The following PLXDC2 variants were observed in gnomAD, a reference collection of about 807,000 sequenced individuals.
The protein encoded by PLXDC2 is plexin domain-containing protein 2.
A neutral mutation model predicts 68.9 loss-of-function variants in PLXDC2; 40 were observed. The observed-to-expected ratio is 0.58, with a 90% CI of 0.45 to 0.76. The LOEUF (loss-of-function observed/expected upper bound fraction) is 0.76, where lower values mean the gene tolerates loss of function less well. Among genes scored for constraint, PLXDC2 ranks in the 30% least tolerant of loss-of-function variants. The pLI is 0.00. For synonymous variants in PLXDC2, 243 were observed against 234.2 expected (o/e 1.04, Z -0.34); for missense variants, 644 against 661.9 (o/e 0.97, Z 0.30).
intron 1 of PLXDC2, among the ~76,000 whole-genome samples, chr10:19,950,509 T>C (rs1170402071): frequency 6.6e-6 from 1 of 152,066 alleles, no homozygotes; most frequent in African/African-American, 2.4e-5. Context: ...AAATCACAGA[T>C]AACACAGACA....
chr10:19,994,311 A>ATTTTTTTTTTT (rs1834805027), intron 1 of PLXDC2, among the ~76,000 whole-genome samples: 2 of 68,766 alleles, frequency 2.9e-5, no homozygotes, highest in Non-Finnish European at 6.4e-5. Flanking sequence ...AACATGATTA[A>ATTTTTTTTTTT]ATTTTTTTTT....
At chr10:20,170,638 C>A (rs1270338687) in intron 7 of PLXDC2, among the ~76,000 whole-genome samples, 2 of 152,042 alleles carry the variant, frequency 1.3e-5, no homozygotes, top group African/African-American at 4.8e-5. Context: ...CTATTCAGAG[C>A]TTCCTGTGCT....
chr10:19,982,289 C>T (rs17687409), intron 1 of PLXDC2, among the ~76,000 whole-genome samples: 30,190 of 151,872 alleles, frequency 0.2, 3,744 homozygotes, highest in Middle Eastern at 0.34. Context: ...CCTGAATGGT[C>T]CCGTGTGACT....
chr10:20,097,480 C>A (rs181331579), intron 4 of PLXDC2, among the ~76,000 whole-genome samples: 30 of 152,290 alleles, frequency 2.0e-4, no homozygotes, highest in Admixed American at 2.6e-4. Context: ...AGAGCAGGAT[C>A]TTTTTCCCAT....
At chr10:19,914,681 C>T in intron 1 of PLXDC2, among the ~76,000 whole-genome samples, 1 of 152,282 alleles carries the variant, frequency 6.6e-6, no homozygotes, top group South Asian at 2.1e-4. Flanking sequence ...AGCATAGACT[C>T]CATCAGTCCC....
chr10:19,826,190 C>G (rs1836565341), intron 1 of PLXDC2, among the ~76,000 whole-genome samples: 1 of 152,168 alleles, frequency 6.6e-6, no homozygotes, highest in Non-Finnish European at 1.5e-5. Flanking sequence ...AATTATTTTG[C>G]CAGTCCGTAG....
At chr10:20,031,030 T>C (rs747036805) in intron 2 of PLXDC2, among the ~76,000 whole-genome samples, 3 of 152,110 alleles carry the variant, frequency 2.0e-5, no homozygotes, top group Non-Finnish European at 4.4e-5. Context: ...CCAGCTGACA[T>C]ACCAACTGAT....
chr10:19,918,289 T>C (rs762772838), intron 1 of PLXDC2, among the ~76,000 whole-genome samples: 23 of 152,322 alleles, frequency 1.5e-4, no homozygotes, highest in Admixed American at 2.6e-4. Context: ...CCACCCATTC[T>C]TTTCAAAAGA....
intron 6 of PLXDC2, among the ~76,000 whole-genome samples, chr10:20,162,935 G>A (rs534871570): frequency 3.7e-5 from 5 of 136,622 alleles, no homozygotes; most frequent in African/African-American, 1.0e-4. Flanking sequence ...AAAAAATCCA[G>A]CTGGGTGTGG....
intron 1 of PLXDC2, among the ~76,000 whole-genome samples, chr10:19,961,607 A>G (rs1040500402): frequency 1.3e-5 from 2 of 152,216 alleles, no homozygotes; most frequent in African/African-American, 2.4e-5. Flanking sequence ...AGGGGAGACA[A>G]AGCTGATCCT....
chr10:19,893,665 A>T (rs1589523436), intron 1 of PLXDC2, among the ~76,000 whole-genome samples: 1 of 152,250 alleles, frequency 6.6e-6, no homozygotes, highest in South Asian at 2.1e-4. Flanking sequence ...AGGGGAATGC[A>T]TTAGATGTGT....
intron 1 of PLXDC2, among the ~76,000 whole-genome samples, chr10:19,843,715 A>C (rs1042568972): frequency 2.0e-5 from 3 of 152,214 alleles, no homozygotes; most frequent in Non-Finnish European, 4.4e-5. Context: ...GGGAGCTAAA[A>C]AAATGTGATC....
intron 9 of PLXDC2, among the ~76,000 whole-genome samples, chr10:20,208,537 T>A (rs1454529246): frequency 6.6e-6 from 1 of 152,144 alleles, no homozygotes; most frequent in Non-Finnish European, 1.5e-5. Flanking sequence ...ATCATATATG[T>A]TTATATGTTA....
chr10:19,988,477 A>ACCT (rs1339880203), intron 1 of PLXDC2, among the ~76,000 whole-genome samples: 2 of 152,130 alleles, frequency 1.3e-5, no homozygotes, highest in African/African-American at 4.8e-5. Flanking sequence ...ATAATATTTA[A>ACCT]GATTAGGTCT....
chr10:20,084,710 T>A (rs921819564), intron 4 of PLXDC2, among the ~76,000 whole-genome samples: 2 of 152,010 alleles, frequency 1.3e-5, no homozygotes, highest in South Asian at 2.1e-4. Context: ...CAGTTGTGTT[T>A]AACGACACAG....
At chr10:19,878,619 A>T (rs1009973949) in intron 1 of PLXDC2, among the ~76,000 whole-genome samples, 2 of 152,212 alleles carry the variant, frequency 1.3e-5, no homozygotes, top group Non-Finnish European at 1.5e-5. Context: ...GGATTATTTA[A>T]TCCATCAATA....
intron 4 of PLXDC2, 68 bp downstream of exon 4, chr10:20,068,307 A>G (rs1836251881): frequency 7.9e-7 from 1 of 1,269,794 alleles, no homozygotes; most frequent in Non-Finnish European, 1.1e-6. Context: ...TTTTTAAGTT[A>G]CTCTATATTT....
rs1300632695 is a variant in PLXDC2, at chr10:20,288,815, T to A, written c.*8996T>A. On this transcript the variant is annotated 3_prime_UTR_variant, in exon 14 of 14. Coordinates refer to ENST00000377252, the MANE Select transcript of PLXDC2 (RefSeq NM_032812.9). ...TAATAGTTTGATAAGAAATTTAGTG[T>A]ATTGACTGCCTCAGTGACACAATTT... The A allele has an allele frequency of 6.6e-6, 1 of 152,176 alleles. No homozygotes were observed. The highest frequency in any genetic ancestry group is 3.2e-3 in the Middle Eastern group (1 of 316). The allele number at this position is 152,176 out of a possible 1,614,324, so 9.4% of individuals were successfully genotyped here.
chr10:19,847,181 A>G (rs1315033535), intron 1 of PLXDC2, among the ~76,000 whole-genome samples: 5 of 152,158 alleles, frequency 3.3e-5, no homozygotes, highest in Admixed American at 1.3e-4. Context: ...ATTGTGTTCT[A>G]TTTTACTTGA....
Sources: allele counts gnomAD v4.1 joint callset (sites outside exome capture counted in the v4.1 genomes callset), GRCh38; gene constraint gnomAD v4.1.1; transcripts MANE v1.5; gene names NCBI Gene and HGNC (gene_info 2026-07-23, HGNC 2026-07-21).